Variants in DMBX1 observed in about 807,000 individuals in gnomAD.
DMBX1 encodes diencephalon/mesencephalon homeobox 1, also known as diencephalon/mesencephalon homeobox protein 1.
A neutral mutation model predicts 30.4 loss-of-function variants in DMBX1; 7 were observed. The ratio of observed to expected loss-of-function variants is 0.23; its 90% CI spans 0.13 to 0.43. The LOEUF is 0.43. DMBX1 is among the 20% of genes least tolerant of loss of function. The pLI, the probability that DMBX1 is intolerant of heterozygous loss-of-function variation, is 1.00. For missense variants in DMBX1, 460 were observed against 508.5 expected, an observed-to-expected ratio of 0.90 and a Z score of 0.92; for synonymous variants, 222 against 214.2, an observed-to-expected ratio of 1.04 and a Z score of -0.32.
Position 46,510,783 on chromosome 1 carries a change from G to T in DMBX1, c.333+129G>T, listed in dbSNP as rs1312498234. 1.0e-5 allele frequency: 14 copies of T among 1,362,456 alleles called. No individual in the cohort carries two copies. The Admixed American group carries it at 2.2e-4, about 21-fold the overall frequency. 84.4% of individuals were successfully genotyped at this position (1,362,456 alleles called of 1,614,324 possible). On this transcript the variant is annotated intron_variant, in intron 4 of 5. Coordinates refer to ENST00000360032, the MANE Select transcript of DMBX1 (RefSeq NM_172225.2). This position sits in a 1 kb window ranked among gnomAD's most constrained non-coding sequence, Gnocchi z 4.1. ...TGATCTCTCCATCAAAGCCTTCAGT[G>T]ATAGGAGGGGAGTTTGGGAAGGGAC...
In DMBX1 at chr1:46,507,198, G is replaced by A. The variant is rs752596048; in HGVS notation, c.154+34G>A. On this transcript the variant is annotated intron_variant, in intron 3 of 5. Transcript: ENST00000360032. ...CCTGGGGATGGGACCATGGGGACAGGACTGTGGGGGTTGGGGGAGAAGGCT... is the reference window on the plus strand; with the variant it reads ...CCTGGGGATGGGACCATGGGGACAGAACTGTGGGGGTTGGGGGAGAAGGCT... 8 of 1,610,096 alleles carry A rather than the reference G, an allele frequency of 5.0e-6. No homozygotes were observed. The Admixed American group carries it at 1.3e-4, about 27-fold the overall frequency.
Position 46,493,125 on chromosome 1 carries a change from C to T in DMBX1, c.-13+2342C>T, listed in dbSNP as rs924937863. Among the ~76,000 whole-genome samples the T allele has an allele frequency of 2.6e-5, 4 of 152,140 alleles. No homozygotes were observed. The highest frequency in any genetic ancestry group is 4.8e-5 in the African/African-American group (2 of 41,428). On this transcript the variant is annotated intron_variant, in intron 2 of 5. Coordinates refer to ENST00000360032, the MANE Select transcript of DMBX1 (RefSeq NM_172225.2). The surrounding 1 kb of genome is among the most constrained non-coding windows in gnomAD (Gnocchi z 4.1). ...CCACCCCACCCCTTTCTCACAGTCC[C>T]GCTCGGCCGCCCCGCAGTGCCCATG... is the stretch of plus-strand genomic sequence containing the variant.
At chr1:46,494,631 C>T (rs1665995053) in intron 2 of DMBX1, among the ~76,000 whole-genome samples, 1 of 152,198 alleles carries the variant, frequency 6.6e-6, no homozygotes, top group Admixed American at 6.5e-5. Context: ...ACTGGGCCCC[C>T]ATCCCTGAGC....
chr1:46,505,240 C>T (rs1396272340), intron 2 of DMBX1, among the ~76,000 whole-genome samples: 2 of 144,636 alleles, frequency 1.4e-5, no homozygotes, highest in African/African-American at 5.2e-5. Flanking sequence ...CCCAGCCATC[C>T]CATTACTGGG....
Position 46,510,740 on chromosome 1 carries a change from C to T in DMBX1, c.333+86C>T. The T allele has an allele frequency of 1.3e-6, 2 of 1,498,354 alleles. No homozygotes were observed. The highest frequency in any genetic ancestry group is 1.8e-6 in the Non-Finnish European group (2 of 1,114,082). The allele number at this position is 1,498,354 out of a possible 1,614,324, so 92.8% of individuals were successfully genotyped here. ...CTTGTCCAGGAGCCAGCATGTCATC[C>T]CTGTGCCAAGGTGCAACTGATCTCT... On this transcript the variant is annotated intron_variant, in intron 4 of 5. Transcript: ENST00000360032. The surrounding 1 kb of genome is among the most constrained non-coding windows in gnomAD (Gnocchi z 4.1).
chr1:46,512,462 G>C lies in DMBX1; in HGVS notation c.1102G>C (p.Ala368Pro), dbSNP rs774239067. ...GCGGCTCCGGGCCAAGCAGCACGCG[G>C]CCTCCCTGGGACTCGATACGCTGCC... Reference protein sequence around the residue: ...NLRLRAKQHAASLGLDTLPN With the variant: ...NLRLRAKQHAPSLGLDTLPN The change falls in exon 6 of 6, where the codon GCC (alanine) becomes CCC (proline). Residue 368 changes from alanine to proline, a missense_variant. Transcript: ENST00000360032. The surrounding 1 kb of genome is among the most constrained non-coding windows in gnomAD (Gnocchi z 4.8). The C allele has an allele frequency of 1.2e-6, 2 of 1,613,192 alleles. No homozygotes were observed. The highest frequency in any genetic ancestry group is 1.7e-6 in the Non-Finnish European group (2 of 1,179,640).
chr1:46,497,751 C>T (rs992655935), intron 2 of DMBX1, among the ~76,000 whole-genome samples: 7 of 152,244 alleles, frequency 4.6e-5, no homozygotes, highest in Non-Finnish European at 5.9e-5. Flanking sequence ...GGGGACATAA[C>T]GGATGCATTT....
intron 2 of DMBX1, 65 bp from the exon 3 acceptor site, chr1:46,506,934 G>T (rs1048445796): frequency 3.1e-5 from 48 of 1,565,058 alleles, no homozygotes; most frequent in Non-Finnish European, 4.1e-5. Flanking sequence ...GACTGGGGGT[G>T]GGTCTCCCTG....
At chr1:46,501,626 T>C (rs1192230680) in intron 2 of DMBX1, among the ~76,000 whole-genome samples, 1 of 152,158 alleles carries the variant, frequency 6.6e-6, no homozygotes, top group Non-Finnish European at 1.5e-5. Context: ...TGGCTATTTG[T>C]ATTTCTTCTT....
chr1:46,509,414 C>T lies in DMBX1; in HGVS notation c.155-1062C>T, dbSNP rs370467969. Among the ~76,000 whole-genome samples, 388 of 152,188 alleles carry T rather than the reference C, an allele frequency of 2.5e-3. 8 individuals are homozygous for T. In the South Asian group the frequency reaches 0.038, roughly 15 times the overall value. Reference sequence around the variant, plus strand: ...GGATGACTTCCCATTCCCTGGAGGGCGGGGGAAGGACTCTGGCACCCCTTT... The same window carrying T: ...GGATGACTTCCCATTCCCTGGAGGGTGGGGGAAGGACTCTGGCACCCCTTT... On this transcript the variant is annotated intron_variant, in intron 3 of 5. Coordinates refer to ENST00000360032, the MANE Select transcript of DMBX1 (RefSeq NM_172225.2).
intron 2 of DMBX1, among the ~76,000 whole-genome samples, chr1:46,504,032 A>G (rs1000971459): frequency 1.3e-5 from 2 of 152,354 alleles, no homozygotes; most frequent in Non-Finnish European, 1.5e-5. Context: ...AATAAGGCTC[A>G]TGTCCTTCGC....
chr1:46,510,953 C>G lies in DMBX1; in HGVS notation c.352C>G (p.Arg118Gly). The G allele has an allele frequency of 6.2e-7, 1 of 1,606,714 alleles. No individual in the cohort carries two copies. The highest frequency in any genetic ancestry group is 8.5e-7 in the Non-Finnish European group (1 of 1,175,802). Residue 118 changes from arginine to glycine, a missense_variant, in exon 5 of 6, where the codon CGG becomes GGG. Physicochemically the swap from Arg to Gly is moderately radical, Grantham distance 125 (BLOSUM62 -2). This residue lies in a region of DMBX1 where 334 missense variants were observed against 345.1 expected (regional missense o/e 0.97). Transcript: ENST00000360032. This position sits in a 1 kb window ranked among gnomAD's most constrained non-coding sequence, Gnocchi z 4.1. ...ARVQVWFKNR[R>G]AKFRKKQRSL... is the part of the protein sequence containing the mutation. ...TCCCCAGGTGTGGTTCAAGAACCGC[C>G]GGGCCAAGTTCCGGAAGAAGCAGCG...
At chr1:46,492,876 G>A (rs1160144473) in intron 2 of DMBX1, among the ~76,000 whole-genome samples, 1 of 152,088 alleles carries the variant, frequency 6.6e-6, no homozygotes, top group Non-Finnish European at 1.5e-5. Flanking sequence ...CTCAACACAT[G>A]CAGACACCCC....
chr1:46,492,635 A>G (rs763405793), intron 2 of DMBX1, among the ~76,000 whole-genome samples: 16 of 152,122 alleles, frequency 1.1e-4, no homozygotes, highest in Non-Finnish European at 1.6e-4. Context: ...CTGTGTGCGC[A>G]CACATATTTG....
intron 2 of DMBX1, among the ~76,000 whole-genome samples, chr1:46,500,431 T>C (rs1042032257): frequency 6.6e-6 from 1 of 152,134 alleles, no homozygotes; most frequent in African/African-American, 2.4e-5. Flanking sequence ...GGAGTTGGGA[T>C]GGATGAAATT....
At position 46,512,568 on chromosome 1, in the gene DMBX1, C is replaced by G. The variant is rs577642544; in HGVS notation, c.*74C>G. The G allele has an allele frequency of 6.1e-5, 91 of 1,491,672 alleles. 1 individual carries two copies. The South Asian group carries it at 1.1e-3, about 18-fold the overall frequency. 92.4% of individuals were successfully genotyped at this position (1,491,672 alleles called of 1,614,324 possible). On this transcript the variant is annotated 3_prime_UTR_variant, in exon 6 of 6. Coordinates refer to ENST00000360032, the MANE Select transcript of DMBX1 (RefSeq NM_172225.2). This position sits in a 1 kb window ranked among gnomAD's most constrained non-coding sequence, Gnocchi z 4.8. ...CCTGTGGTTATCCCTAGGTGGCTCT[C>G]GAGGAGTTAACTCCATGAGCCCAGG...
Position 46,510,735 on chromosome 1 carries a change from T to A in DMBX1, c.333+81T>A. The A allele has an allele frequency of 6.6e-7, 1 of 1,510,482 alleles. No homozygotes were observed. Among genetic ancestry groups the A allele is most frequent in the African/African-American group, 1.4e-5 (1 of 72,488 alleles). The allele number at this position is 1,510,482 out of a possible 1,614,324, so 93.6% of individuals were successfully genotyped here. On this transcript the variant is annotated intron_variant, in intron 4 of 5. Coordinates refer to ENST00000360032, the MANE Select transcript of DMBX1 (RefSeq NM_172225.2). This position sits in a 1 kb window ranked among gnomAD's most constrained non-coding sequence, Gnocchi z 4.1. ...GCCCGCTTGTCCAGGAGCCAGCATG[T>A]CATCCCTGTGCCAAGGTGCAACTGA...
Position 46,507,034 on chromosome 1 carries a change from C to T in DMBX1, c.24C>T (p.Gly8=), listed in dbSNP as rs1007732436. Residue 8 remains glycine (G), a synonymous_variant, in exon 3 of 6, where the codon GGC becomes GGT. Transcript: ENST00000360032. The part of the protein sequence containing the change: MQHYGVN[G]YSLHAMNSLS... ...CCATGCAGCACTACGGGGTGAACGG[C>T]TACTCACTGCACGCCATGAACTCAC... 5 of 1,614,110 alleles carry T rather than the reference C, an allele frequency of 3.1e-6. No individual in the cohort carries two copies. The highest frequency in any genetic ancestry group is 4.2e-6 in the Non-Finnish European group (5 of 1,180,050).
At chr1:46,505,933 G>A (rs1031112134) in intron 2 of DMBX1, among the ~76,000 whole-genome samples, 4 of 152,108 alleles carry the variant, frequency 2.6e-5, no homozygotes. Context: ...TGGCCTGCTT[G>A]CTTCTTGGAG....
Sources: gnomAD v4.1 joint callset for allele counts (sites outside exome capture counted in the v4.1 genomes callset) on GRCh38, gnomAD v4.1.1 for gene constraint, gnomAD v4.1.1 regional missense constraint, Gnocchi (gnomAD v3.1) non-coding constraint, MANE v1.5 for transcripts, NCBI Gene and HGNC (gene_info 2026-07-23, HGNC 2026-07-21) for gene names.